The following RARB variants were observed in gnomAD, a reference collection of about 807,000 sequenced individuals.
The protein encoded by RARB is HBV-activated protein.
In RARB, 17 loss-of-function variants were observed where a neutral mutation model predicts 51.9. The observed-to-expected ratio is 0.33, with a 90% CI of 0.22 to 0.49. RARB has a LOEUF of 0.49. RARB is among the 20% of genes least tolerant of loss of function. The pLI is 0.99. For synonymous variants in RARB, 215 were observed against 195.4 expected, an observed-to-expected ratio of 1.10 and a Z score of -0.84; for missense variants, 369 against 550.8, an observed-to-expected ratio of 0.67 and a Z score of 3.30.
chr3:25,186,993 A>G (rs896223433), intron 5 of RARB, among the ~76,000 whole-genome samples: 3 of 150,484 alleles, frequency 2.0e-5, no homozygotes, highest in African/African-American at 7.3e-5. Flanking sequence ...ACACGATGGA[A>G]CAAAGGAAGT....
chr3:25,398,649 A>G (rs1707181780), intron 5 of RARB, among the ~76,000 whole-genome samples: 1 of 152,164 alleles, frequency 6.6e-6, no homozygotes, highest in African/African-American at 2.4e-5. Context: ...TCTTCTCCCT[A>G]TATGGGAAGT....
intron 2 of RARB, among the ~76,000 whole-genome samples, chr3:24,912,826 A>G (rs1695018229): frequency 6.6e-6 from 1 of 152,112 alleles, no homozygotes; most frequent in East Asian, 1.9e-4. Flanking sequence ...CTTGTGTATA[A>G]GAGAAATGTT....
chr3:24,938,705 C>T (rs746569668), intron 2 of RARB, among the ~76,000 whole-genome samples: 1 of 152,184 alleles, frequency 6.6e-6, no homozygotes, highest in Non-Finnish European at 1.5e-5. Flanking sequence ...GCTGTGTACC[C>T]ATTAAGTGAA....
intron 2 of RARB, among the ~76,000 whole-genome samples, chr3:24,862,270 G>A (rs763196659): frequency 6.6e-6 from 1 of 152,186 alleles, no homozygotes; most frequent in Non-Finnish European, 1.5e-5. Context: ...GAGTGTTGGA[G>A]TGCTATTAAA....
intron 2 of RARB, among the ~76,000 whole-genome samples, chr3:25,026,343 T>C (rs900489833): frequency 1.3e-5 from 2 of 152,232 alleles, no homozygotes; most frequent in African/African-American, 4.8e-5. Context: ...AAGTCTTCTA[T>C]AAGTGGGCTC....
At chr3:24,911,686 C>G (rs1457182224) in intron 2 of RARB, among the ~76,000 whole-genome samples, 1 of 152,150 alleles carries the variant, frequency 6.6e-6, no homozygotes, top group Non-Finnish European at 1.5e-5. Flanking sequence ...GGCACAGTGG[C>G]TCATACCTGT....
intron 5 of RARB, among the ~76,000 whole-genome samples, chr3:25,423,053 T>C (rs1475285744): frequency 6.6e-6 from 1 of 152,240 alleles, no homozygotes; most frequent in African/African-American, 2.4e-5. Context: ...AGAGACTGTA[T>C]AGCCTGCAAA....
chr3:25,334,229 G>T (rs111360374), intron 5 of RARB, among the ~76,000 whole-genome samples: 1 of 152,092 alleles, frequency 6.6e-6, no homozygotes. Flanking sequence ...ACATGCACAC[G>T]TATGTTTATT....
chr3:25,579,872 C>T (rs1448465427), intron 4 of RARB, among the ~76,000 whole-genome samples: 1 of 152,146 alleles, frequency 6.6e-6, no homozygotes, highest in Non-Finnish European at 1.5e-5. Flanking sequence ...GTTTTTCCAT[C>T]AGGACATCAG....
At chr3:25,431,785 G>T (rs1658340228) in intron 1 of RARB, among the ~76,000 whole-genome samples, 1 of 152,054 alleles carries the variant, frequency 6.6e-6, no homozygotes, top group Admixed American at 6.5e-5. Context: ...TTAATGAGAA[G>T]AAATTATTTT....
chr3:25,524,343 G>T (rs757674837), intron 3 of RARB, among the ~76,000 whole-genome samples: 3 of 152,106 alleles, frequency 2.0e-5, no homozygotes, highest in Admixed American at 1.3e-4. Context: ...TGTTCAGAAA[G>T]TACTTTTACA....
rs149321562 is a variant in RARB, at chr3:25,272,568, G to C, written c.178+97993G>C. Among the ~76,000 whole-genome samples the C allele has an allele frequency of 1.8e-4, 27 of 152,268 alleles. No homozygotes were observed. In the East Asian group the frequency reaches 4.4e-3, roughly 25 times the overall value. Reference sequence around the variant, plus strand: ...ACTACATATTAGAATAACCTGTAGAGCTTTTAAAAATACAGTATTCTGGGT... The same window carrying C: ...ACTACATATTAGAATAACCTGTAGACCTTTTAAAAATACAGTATTCTGGGT... On this transcript the variant is annotated intron_variant, in intron 5 of 11. Transcript: ENST00000383772.
chr3:24,954,220 T>C (rs181010719), intron 2 of RARB, among the ~76,000 whole-genome samples: 30 of 152,288 alleles, frequency 2.0e-4, no homozygotes, highest in Admixed American at 1.4e-3. Context: ...TTTCAGCAAA[T>C]ACATATACAT....
intron 4 of RARB, among the ~76,000 whole-genome samples, chr3:25,163,504 A>AATATATATATATATATATATTAT (rs1553638939): frequency 7.6e-6 from 1 of 131,096 alleles, no homozygotes; most frequent in African/African-American, 3.2e-5. Context: ...CCTATCTCAA[A>AATATATATATATATATATATTAT]ATATATATAT....
At chr3:25,475,974 ATAGT>A (rs1392228657) in intron 2 of RARB, among the ~76,000 whole-genome samples, 4 of 152,200 alleles carry the variant, frequency 2.6e-5, no homozygotes, top group African/African-American at 7.2e-5. Context: ...TTTTGGATAG[ATAGT>A]TCTACTCCAT....
chr3:24,985,295 A>G (rs1446339262), intron 2 of RARB, among the ~76,000 whole-genome samples: 3 of 151,894 alleles, frequency 2.0e-5, no homozygotes, highest in Admixed American at 6.6e-5. Flanking sequence ...AAGAGCAGCA[A>G]TCGGACTTAC....
intron 3 of RARB, among the ~76,000 whole-genome samples, chr3:25,094,484 A>G (rs1699257368): frequency 1.3e-5 from 2 of 152,124 alleles, no homozygotes; most frequent in African/African-American, 4.8e-5. Context: ...TGGGAGGCCA[A>G]GGTGGGTGGA....
chr3:25,280,525 G>T (rs1337259475), intron 5 of RARB, among the ~76,000 whole-genome samples: 1 of 152,126 alleles, frequency 6.6e-6, no homozygotes, highest in Non-Finnish European at 1.5e-5. Context: ...ATGTTGGAAA[G>T]GTCACTAGAC....
At chr3:25,269,325 C>A (rs946320246) in intron 5 of RARB, among the ~76,000 whole-genome samples, 2 of 152,112 alleles carry the variant, frequency 1.3e-5, no homozygotes. Context: ...AACGTATATG[C>A]CCCACAAAGC....
Sources: allele counts gnomAD v4.1 joint callset (sites outside exome capture counted in the v4.1 genomes callset), GRCh38; gene constraint gnomAD v4.1.1; transcripts MANE v1.5; gene names NCBI Gene and HGNC (gene_info 2026-07-23, HGNC 2026-07-21).